The following TBC1D9B variants were observed in gnomAD, a reference collection of about 807,000 sequenced individuals.
The protein encoded by TBC1D9B is TBC1 domain family, member 9B (with GRAM domain).
In TBC1D9B, 87 loss-of-function variants were observed where a neutral mutation model predicts 121.1. The observed-to-expected ratio is 0.72, with a 90% confidence interval of 0.60 to 0.86. The LOEUF (loss-of-function observed/expected upper bound fraction) is 0.86, where lower values mean the gene tolerates loss of function less well. Among genes scored for constraint, TBC1D9B ranks in the 40% least tolerant of loss-of-function variants. The probability of loss-of-function intolerance (pLI) is 0.00; values close to 1 mark genes in which losing one functional copy is unlikely to be tolerated. For missense variants in TBC1D9B, 1,540 were observed against 1,628.6 expected (o/e 0.95, Z 0.94); for synonymous variants, 668 against 670.1 (o/e 1.00, Z 0.05).
intron 2 of TBC1D9B, among the ~76,000 whole-genome samples, chr5:179,899,958 C>T (rs546309537): frequency 7.9e-5 from 12 of 152,198 alleles, no homozygotes; most frequent in East Asian, 7.7e-4. Context: ...ATCTGGGCGC[C>T]GTGTCTCATG....
At chr5:179,893,488 A>G in intron 4 of TBC1D9B, 21 bp from the exon 5 acceptor site, 1 of 1,573,908 alleles carries the variant, frequency 6.4e-7, no homozygotes, top group Non-Finnish European at 8.7e-7. Flanking sequence ...AGAGATAGAC[A>G]CACCGCAAGT....
Position 179,891,484 on chromosome 5 carries a change from C to G in TBC1D9B, c.939G>C (p.Pro313=). 6.2e-7 allele frequency: 1 copy of G among 1,614,210 alleles called. No homozygotes were observed. The highest frequency in any genetic ancestry group is 8.5e-7 in the Non-Finnish European group (1 of 1,180,030). ...DGHTSCTLWT[P]FNKLHIPGQM... ...GGCCAGGGATGTGCAGCTTGTTGAACGGCGTCCACAGGGTGCAGCTTGTGT... is the reference window on the plus strand; with the variant it reads ...GGCCAGGGATGTGCAGCTTGTTGAAGGGCGTCCACAGGGTGCAGCTTGTGT... The change falls in exon 6 of 21, where the codon CCG becomes CCC. Residue 313 remains proline (P), a synonymous_variant. Coordinates refer to ENST00000355235, the MANE Select transcript of TBC1D9B (RefSeq NM_015043.4). The surrounding 1 kb of genome is among the most constrained non-coding windows in gnomAD (Gnocchi z 4.3).
In TBC1D9B at chr5:179,904,370, C is replaced by G. The variant is rs563411969; in HGVS notation, c.229+332G>C. 7.8e-3 allele frequency among the ~76,000 whole-genome samples: 1,182 copies of G among 151,864 alleles called. 13 individuals carry two copies. Among genetic ancestry groups the G allele is most frequent in the African/African-American group, 0.027 (1,125 of 41,272 alleles). On this transcript the variant is annotated intron_variant, in intron 2 of 20. Coordinates refer to ENST00000355235, the MANE Select transcript of TBC1D9B (RefSeq NM_015043.4). The surrounding 1 kb of genome is among the most constrained non-coding windows in gnomAD (Gnocchi z 4.2). ...CTCCCGAGTAGCTGGGACTACAGGC[C>G]TCCGCCACCACCCCCAGCTAATTTT...
Position 179,873,116 on chromosome 5 carries a change from G to A in TBC1D9B, c.2316+3C>T. The A allele has an allele frequency of 6.2e-7, 1 of 1,610,530 alleles. No homozygotes were observed. Among genetic ancestry groups the A allele is most frequent in the Non-Finnish European group, 8.5e-7 (1 of 1,178,164 alleles). ...GGCCAAAATGGCCCCACTGGGTGCT[G>A]ACCTCATAGGACACTTTCAGGAGCT... is the stretch of plus-strand genomic sequence containing the variant. On this transcript the variant is annotated splice_donor_region_variant and intron_variant, in intron 13 of 20. Transcript: ENST00000355235.
In TBC1D9B at chr5:179,879,138, G is replaced by A. The variant is rs770775542; in HGVS notation, c.1476C>T (p.Gly492=). ...WHIHFFEYGR[G]VCMYRTAKTR... Reference sequence around the variant, plus strand: ...TCTTGGCTGTGCGGTACATGCACACGCCACGCCCGTACTCGAAGAAGTGGA... The same window carrying A: ...TCTTGGCTGTGCGGTACATGCACACACCACGCCCGTACTCGAAGAAGTGGA... Residue 492 remains glycine, a synonymous_variant, in exon 9 of 21, where the codon GGC becomes GGT. Transcript: ENST00000355235. 1.0e-5 allele frequency: 16 copies of A among 1,607,124 alleles called. No individual in the cohort carries two copies. The highest frequency in any genetic ancestry group is 1.3e-5 in the Non-Finnish European group (15 of 1,179,700).
Position 179,888,225 on chromosome 5 carries a change from C to T in TBC1D9B, c.1132G>A (p.Ala378Thr), listed in dbSNP as rs1329898014. ...AAGAAATCACGGTCTTTCAGGTTGG[C>T]AAACAGGAATGTCATTTTGCTTTTG... ...STKSKMTFLF[A>T]NLKDRDFLVQ... Residue 378 changes from alanine (A) to threonine (T), a missense_variant, in exon 7 of 21, where the codon GCC (alanine) becomes ACC (threonine). Coordinates refer to ENST00000355235, the MANE Select transcript of TBC1D9B (RefSeq NM_015043.4). 8.1e-6 allele frequency: 13 copies of T among 1,611,810 alleles called. No homozygotes were observed. The highest frequency in any genetic ancestry group is 1.1e-5 in the Non-Finnish European group (13 of 1,179,326).
Position 179,901,605 on chromosome 5 carries a change from C to T in TBC1D9B, c.230-2298G>A, listed in dbSNP as rs551986002. Among the ~76,000 whole-genome samples, 52 of 152,166 alleles carry T rather than the reference C, an allele frequency of 3.4e-4. 1 individual carries two copies. The highest frequency in any genetic ancestry group is 2.7e-3 in the South Asian group (13 of 4,820). On this transcript the variant is annotated intron_variant, in intron 2 of 20. Transcript: ENST00000355235. ...TTTGAGATCAGTCTGGGCAACATGG[C>T]TGTCTCTACAAAAAATAGAAAAAAT... is the stretch of plus-strand genomic sequence containing the variant.
At position 179,875,774 on chromosome 5, in the gene TBC1D9B, T is replaced by C. The variant is rs1224037579; in HGVS notation, c.1900+146A>G. 2 of 589,150 alleles carry C rather than the reference T, an allele frequency of 3.4e-6. No individual in the cohort carries two copies. Among genetic ancestry groups the C allele is most frequent in the Non-Finnish European group, 5.7e-6 (2 of 350,004 alleles). 36.5% of individuals were successfully genotyped at this position (589,150 alleles called of 1,614,324 possible). ...AGGAATTTAGGCTCTGAGGGGACTT[T>C]TATAAACCACCGAATGTGTAATACT... On this transcript the variant is annotated intron_variant, in intron 11 of 20. Coordinates refer to ENST00000355235, the MANE Select transcript of TBC1D9B (RefSeq NM_015043.4). This position sits in a 1 kb window ranked among gnomAD's most constrained non-coding sequence, Gnocchi z 4.5.
intron 16 of TBC1D9B, 34 bp downstream of exon 16, chr5:179,870,221 G>T: frequency 6.2e-7 from 1 of 1,610,554 alleles, no homozygotes; most frequent in South Asian, 1.1e-5. Context: ...GGTGAGGGAG[G>T]GTCAAGCCCC....
At chr5:179,882,802 T>C (rs1299176631) in intron 7 of TBC1D9B, among the ~76,000 whole-genome samples, 4 of 152,142 alleles carry the variant, frequency 2.6e-5, no homozygotes, top group Non-Finnish European at 5.9e-5. Context: ...TGAGCCGAGA[T>C]TGTGCCACTG....
At chr5:179,864,235 C>T in intron 20 of TBC1D9B, 107 bp from the exon 21 acceptor site, 7 of 1,155,046 alleles carry the variant, frequency 6.1e-6, no homozygotes, top group Admixed American at 2.7e-5. Context: ...TGTTGGCTGC[C>T]GTCTTGCTAA....
chr5:179,867,578 G>A, intron 18 of TBC1D9B, 200 bp downstream of exon 18: 1 of 1,524,616 alleles, frequency 6.6e-7, no homozygotes, highest in Admixed American at 2.0e-5. Context: ...AAGAGAAACA[G>A]GAGTGAGGAC....
At chr5:179,892,451 G>T (rs1228254621) in intron 5 of TBC1D9B, among the ~76,000 whole-genome samples, 2 of 152,370 alleles carry the variant, frequency 1.3e-5, no homozygotes, top group East Asian at 3.9e-4. Flanking sequence ...TCTGGCTGTG[G>T]TCAGGCTGGC....
In TBC1D9B at chr5:179,875,068, G is replaced by A. The variant is rs775569768; in HGVS notation, c.2020C>T (p.Leu674Phe). 17 of 1,614,128 alleles carry A rather than the reference G, an allele frequency of 1.1e-5. No individual in the cohort carries two copies. The South Asian group carries it at 1.5e-4, about 15-fold the overall frequency. The change falls in exon 12 of 21, where the codon CTC becomes TTC. Residue 674 changes from leucine to phenylalanine, a missense_variant. Coordinates refer to ENST00000355235, the MANE Select transcript of TBC1D9B (RefSeq NM_015043.4). This position sits in a 1 kb window ranked among gnomAD's most constrained non-coding sequence, Gnocchi z 4.5. ...SSISLSWFLT[L>F]FLSVMPFESA... is the part of the protein sequence containing the mutation. ...TCGAAGGGCATGACGCTGAGGAAGA[G>A]GGTCAGGAACCAGGACAGCGAGATG...
Position 179,890,968 on chromosome 5 carries a change from G to A in TBC1D9B, c.1044+411C>T, listed in dbSNP as rs17079761. 3.8e-3 allele frequency among the ~76,000 whole-genome samples: 581 copies of A among 152,382 alleles called. 6 individuals carry two copies. Among genetic ancestry groups the A allele is most frequent in the African/African-American group, 0.013 (553 of 41,596 alleles). ...GAGCCACGCCAAGGTGGTATGTCCA[G>A]AGAGGACTGGTGAGGTGGCCTCTGA... On this transcript the variant is annotated intron_variant, in intron 6 of 20. Transcript: ENST00000355235. This position sits in a 1 kb window ranked among gnomAD's most constrained non-coding sequence, Gnocchi z 5.0.
chr5:179,873,240 TC>T lies in TBC1D9B; in HGVS notation c.2194del (p.Asp732IlefsTer20). ...EAMTMLGRYL[D>X]NVVNKQSVSP... is the part of the protein sequence containing the mutation. ...GACACTCTGCTTGTTGACCACATTA[TC>T]CAGGTATCTGCAAAGGACAGAGGAC... On this transcript the variant is annotated frameshift_variant, in exon 13 of 21. Coordinates refer to ENST00000355235, the MANE Select transcript of TBC1D9B (RefSeq NM_015043.4). LOFTEE classifies it high-confidence loss of function. 1 of 1,607,318 alleles carries T rather than the reference TC, an allele frequency of 6.2e-7. No homozygotes were observed. The highest frequency in any genetic ancestry group is 1.7e-5 in the Admixed American group (1 of 59,206).
rs1456796059 is a variant in TBC1D9B, at chr5:179,862,755, G to A, written c.*693C>T. ...CACAGTGGTTTTTATTTCTTTCAGG[G>A]ATTTATTAAGGCATTGAGCACAGTG... On this transcript the variant is annotated 3_prime_UTR_variant, in exon 21 of 21. Transcript: ENST00000355235. 5.4e-6 allele frequency: 2 copies of A among 370,612 alleles called. No individual in the cohort carries two copies. Among genetic ancestry groups the A allele is most frequent in the Non-Finnish European group, 1.1e-5 (2 of 177,610 alleles). 23.0% of individuals were successfully genotyped at this position (370,612 alleles called of 1,614,324 possible). A position where few individuals can be genotyped will look rare whatever the true frequency, so the allele number is the denominator to read the frequency against.
chr5:179,870,936 G>A (rs1760175511), intron 15 of TBC1D9B, among the ~76,000 whole-genome samples: 2 of 152,210 alleles, frequency 1.3e-5, no homozygotes, highest in Admixed American at 1.3e-4. Context: ...ACGGGAACTG[G>A]CAACAACAAC....
intron 9 of TBC1D9B, 141 bp downstream of exon 9, chr5:179,878,906 G>GCCCGGCT (rs1362654027): frequency 8.1e-7 from 1 of 1,231,524 alleles, no homozygotes; most frequent in African/African-American, 1.5e-5. Context: ...AGAGCCCAGA[G>GCCCGGCT]CCCGGCTCCC....
Sources: allele counts gnomAD v4.1 joint callset (sites outside exome capture counted in the v4.1 genomes callset), GRCh38; gene constraint gnomAD v4.1.1; non-coding constraint Gnocchi (gnomAD v3.1); transcripts MANE v1.5; gene names NCBI Gene and HGNC (gene_info 2026-07-23, HGNC 2026-07-21).